The following GPC5 variants were observed in gnomAD, a reference collection of about 807,000 sequenced individuals.
The protein encoded by GPC5 is glypican-5.
Under a neutral mutation model 53.9 loss-of-function variants are expected in GPC5, and 47 were observed. The ratio of observed to expected loss-of-function variants is 0.87; its 90% confidence interval spans 0.69 to 1.11. GPC5 has a LOEUF of 1.11. Among genes scored for constraint, GPC5 ranks in the 50% most tolerant of loss-of-function variants. GPC5 has a pLI of 0.00. For missense variants in GPC5, 748 were observed against 713.1 expected (o/e 1.05, Z -0.56); for synonymous variants, 286 against 263.3 (o/e 1.09, Z -0.84).
chr13:91,777,561 T>C (rs1003919029), intron 5 of GPC5, among the ~76,000 whole-genome samples: 2 of 152,164 alleles, frequency 1.3e-5, no homozygotes, highest in Non-Finnish European at 2.9e-5. Flanking sequence ...TATATAGAGA[T>C]GAGAGTATGT....
chr13:92,846,281 G>A (rs1160580701), intron 7 of GPC5, among the ~76,000 whole-genome samples: 1 of 152,090 alleles, frequency 6.6e-6, no homozygotes, highest in Non-Finnish European at 1.5e-5. Context: ...TACCTCCCAT[G>A]AGGTCCCTCC....
Position 92,402,288 on chromosome 13 carries a change from C to A in GPC5, c.1561+257299C>A, listed in dbSNP as rs532358985. Among the ~76,000 whole-genome samples, 33 of 152,242 alleles carry A rather than the reference C, an allele frequency of 2.2e-4. No homozygotes were observed. In the South Asian group the frequency reaches 6.8e-3, roughly 32 times the overall value. ...AAAATCACAAAATAGCGTGTATACA[C>A]CTGAATTTTATTGTTTTCAAACAAT... On this transcript the variant is annotated intron_variant, in intron 7 of 7. Coordinates refer to ENST00000377067, the MANE Select transcript of GPC5 (RefSeq NM_004466.6).
At chr13:92,203,999 T>A (rs1006698510) in intron 7 of GPC5, among the ~76,000 whole-genome samples, 3 of 152,202 alleles carry the variant, frequency 2.0e-5, no homozygotes, top group African/African-American at 7.2e-5. Flanking sequence ...TGCAGTGGTT[T>A]AACATCTTTA....
chr13:91,660,493 A>T (rs1822916), intron 2 of GPC5, among the ~76,000 whole-genome samples: 23,188 of 152,178 alleles, frequency 0.15, 1,965 homozygotes, highest in East Asian at 0.28. Flanking sequence ...GATTCCCTGA[A>T]CATAACCTTG....
intron 7 of GPC5, among the ~76,000 whole-genome samples, chr13:92,757,397 A>C (rs1303573458): frequency 3.3e-5 from 5 of 152,214 alleles, no homozygotes; most frequent in African/African-American, 1.2e-4. Context: ...AACCTAGGCA[A>C]TACCATTCAG....
chr13:91,442,444 T>A (rs1880507879), intron 1 of GPC5, among the ~76,000 whole-genome samples: 1 of 152,254 alleles, frequency 6.6e-6, no homozygotes, highest in Non-Finnish European at 1.5e-5. Context: ...TTTAAGTGCA[T>A]GTTATAGTAT....
intron 7 of GPC5, among the ~76,000 whole-genome samples, chr13:92,782,495 C>T (rs1226765559): frequency 6.6e-6 from 1 of 152,094 alleles, no homozygotes; most frequent in South Asian, 2.1e-4. Context: ...GAGATTTATA[C>T]TGAATCCTAA....
At chr13:91,596,268 G>T (rs2032991432) in intron 2 of GPC5, among the ~76,000 whole-genome samples, 2 of 151,778 alleles carry the variant, frequency 1.3e-5, no homozygotes, top group South Asian at 2.1e-4. Context: ...TTTCTTATAG[G>T]CAGTGTGTAA....
intron 7 of GPC5, among the ~76,000 whole-genome samples, chr13:92,471,330 A>G (rs1449465841): frequency 6.6e-6 from 1 of 152,066 alleles, no homozygotes. Context: ...TTTTGCTCCA[A>G]TTTGGAGATG....
chr13:91,945,675 G>GC (rs1175383700), intron 6 of GPC5, among the ~76,000 whole-genome samples: 1 of 152,090 alleles, frequency 6.6e-6, no homozygotes, highest in East Asian at 1.9e-4. Context: ...TAGCTCAAGG[G>GC]CCCACTCATC....
chr13:91,570,283 C>A (rs2031724281), intron 2 of GPC5, among the ~76,000 whole-genome samples: 4 of 152,088 alleles, frequency 2.6e-5, no homozygotes, highest in Non-Finnish European at 2.9e-5. Flanking sequence ...GGTTGAACAT[C>A]CCAGATCCAA....
At chr13:91,936,502 C>A (rs951457074) in intron 6 of GPC5, among the ~76,000 whole-genome samples, 7 of 152,014 alleles carry the variant, frequency 4.6e-5, no homozygotes, top group Admixed American at 3.3e-4. Flanking sequence ...CCACAGAAAT[C>A]TAGCCAGAGT....
At chr13:92,263,466 T>C (rs1353007232) in intron 7 of GPC5, among the ~76,000 whole-genome samples, 1 of 152,176 alleles carries the variant, frequency 6.6e-6, no homozygotes. Context: ...TCACTTTTCC[T>C]CTCTTGTTTC....
At chr13:91,597,076 C>G (rs141432327) in intron 2 of GPC5, among the ~76,000 whole-genome samples, 3 of 152,300 alleles carry the variant, frequency 2.0e-5, no homozygotes, top group Admixed American at 2.0e-4. Context: ...GAAACTCTCT[C>G]AAAGCAGTAA....
At chr13:92,563,779 GT>G (rs1267477515) in intron 7 of GPC5, among the ~76,000 whole-genome samples, 18 of 151,968 alleles carry the variant, frequency 1.2e-4, no homozygotes, top group Non-Finnish European at 2.4e-4. Flanking sequence ...GGATAGATAA[GT>G]TTTTCTCTGA....
rs564331536 is a variant in GPC5, at chr13:92,105,885, T to C, written c.1402-38945T>C. Among the ~76,000 whole-genome samples the C allele has an allele frequency of 2.6e-5, 4 of 152,194 alleles. No homozygotes were observed. In the East Asian group the frequency reaches 7.7e-4, roughly 29 times the overall value. On this transcript the variant is annotated intron_variant, in intron 6 of 7. Transcript: ENST00000377067. ...AAAATCTTTTTCGGGCTCTCAATGC[T>C]GAGAAAAAGAAGGCAGTCTCACCTG... is the stretch of plus-strand genomic sequence containing the variant.
intron 5 of GPC5, among the ~76,000 whole-genome samples, chr13:91,858,427 C>A (rs7984476): frequency 1.3e-5 from 2 of 151,654 alleles, no homozygotes; most frequent in African/African-American, 4.8e-5. Flanking sequence ...AATGATCATG[C>A]GGTTTTTGTC....
At chr13:92,153,909 A>G (rs117507180) in intron 7 of GPC5, among the ~76,000 whole-genome samples, 3,513 of 152,288 alleles carry the variant, frequency 0.023, 47 homozygotes, top group Admixed American at 0.029. Context: ...CTTATCTGAA[A>G]TTTCAGAAGA....
intron 6 of GPC5, among the ~76,000 whole-genome samples, chr13:91,929,438 C>G (rs1351882136): frequency 2.6e-5 from 4 of 152,090 alleles, no homozygotes; most frequent in African/African-American, 9.7e-5. Flanking sequence ...CATTGATCCA[C>G]TAATTCGTTG....
Sources: allele counts gnomAD v4.1 joint callset (sites outside exome capture counted in the v4.1 genomes callset), GRCh38; gene constraint gnomAD v4.1.1; transcripts MANE v1.5; gene names NCBI Gene and HGNC (gene_info 2026-07-23, HGNC 2026-07-21).